The following TSHZ2 variants were observed in gnomAD, a reference collection of about 807,000 sequenced individuals.
TSHZ2 encodes teashirt zinc finger homeobox 2.
In TSHZ2, 21 loss-of-function variants were observed where a neutral mutation model predicts 74.4. The observed-to-expected ratio is 0.28, with a 90% CI of 0.20 to 0.41. The LOEUF (loss-of-function observed/expected upper bound fraction) is 0.41. Among genes scored for constraint, TSHZ2 ranks in the 10% least tolerant of loss-of-function variants. The probability of loss-of-function intolerance (pLI) is 1.00; values close to 1 mark genes in which losing one functional copy is unlikely to be tolerated. For synonymous variants in TSHZ2, 540 were observed against 515.3 expected, an observed-to-expected ratio of 1.05 and a Z score of -0.65; for missense variants, 1,244 against 1,293.5, an observed-to-expected ratio of 0.96 and a Z score of 0.59.
In TSHZ2 at chr20:53,465,621, G is replaced by A. The variant is rs1248765875; in HGVS notation, c.*9-21523G>A. On this transcript the variant is annotated intron_variant, in intron 2 of 2. Transcript: ENST00000371497. ...CAGGGTACATTGGTGACAGAAACCT[G>A]AGTTCAAATCCCAGCTCTGCTACTT... Among the ~76,000 whole-genome samples, 3 of 152,062 alleles carry A rather than the reference G, an allele frequency of 2.0e-5. 1 individual carries two copies. Among genetic ancestry groups the A allele is most frequent in the Admixed American group, 1.3e-4 (2 of 15,264 alleles).
chr20:53,239,072 T>G (rs370428827), intron 1 of TSHZ2, among the ~76,000 whole-genome samples: 10 of 152,256 alleles, frequency 6.6e-5, no homozygotes, highest in Admixed American at 6.5e-5. Flanking sequence ...ACCAGACAGA[T>G]AAGTCTCTGT....
intron 1 of TSHZ2, among the ~76,000 whole-genome samples, chr20:53,040,928 A>G (rs192875075): frequency 4.6e-5 from 7 of 152,238 alleles, no homozygotes; most frequent in Admixed American, 3.9e-4. Context: ...TCCTATTCAC[A>G]CAGCAGCTGC....
At chr20:53,330,936 C>G (rs752134005) in intron 2 of TSHZ2, among the ~76,000 whole-genome samples, 5 of 152,184 alleles carry the variant, frequency 3.3e-5, no homozygotes, top group Non-Finnish European at 5.9e-5. Context: ...ATGAAGTTCT[C>G]AAGCCTCAAC....
chr20:53,185,868 C>T (rs908991433), intron 1 of TSHZ2, among the ~76,000 whole-genome samples: 1 of 152,184 alleles, frequency 6.6e-6, no homozygotes, highest in African/African-American at 2.4e-5. Context: ...AGACTACAAT[C>T]ATTTTGTTGG....
At chr20:53,090,393 T>C (rs1460213089) in intron 1 of TSHZ2, among the ~76,000 whole-genome samples, 2 of 152,128 alleles carry the variant, frequency 1.3e-5, no homozygotes, top group Non-Finnish European at 2.9e-5. Context: ...CTGTCACAAA[T>C]ACGAAGGAGA....
intron 2 of TSHZ2, among the ~76,000 whole-genome samples, chr20:53,369,658 C>T (rs1192488861): frequency 6.6e-6 from 1 of 151,812 alleles, no homozygotes. Flanking sequence ...TTGCAGTGGG[C>T]GGAGATGGAA....
intron 2 of TSHZ2, among the ~76,000 whole-genome samples, chr20:53,345,552 G>A (rs1980403998): frequency 6.6e-6 from 1 of 152,080 alleles, no homozygotes; most frequent in Admixed American, 6.5e-5. Context: ...GCTGCCTTGT[G>A]AGGAACTACT....
At chr20:53,264,493 T>C (rs891110111) in intron 2 of TSHZ2, among the ~76,000 whole-genome samples, 1 of 152,226 alleles carries the variant, frequency 6.6e-6, no homozygotes, top group African/African-American at 2.4e-5. Context: ...TTTTTGAACA[T>C]GTGTAACGGT....
At chr20:53,069,466 G>A (rs1298464672) in intron 1 of TSHZ2, among the ~76,000 whole-genome samples, 3 of 151,646 alleles carry the variant, frequency 2.0e-5, no homozygotes, top group East Asian at 1.9e-4. Flanking sequence ...AAAAAATATC[G>A]AGGTTTTACT....
chr20:53,248,236 A>ATTTT (rs763355998), intron 1 of TSHZ2, among the ~76,000 whole-genome samples: 1 of 144,926 alleles, frequency 6.9e-6, no homozygotes, highest in Admixed American at 6.9e-5. Flanking sequence ...ATGCCTGGCT[A>ATTTT]TTTTTTTTTT....
chr20:53,021,441 A>G (rs925794985), intron 1 of TSHZ2, among the ~76,000 whole-genome samples: 3 of 152,172 alleles, frequency 2.0e-5, no homozygotes, highest in Admixed American at 2.0e-4. Context: ...TGGAAGTTGG[A>G]ACTCCGCTGA....
chr20:53,029,907 TA>T (rs1824038050), intron 1 of TSHZ2, among the ~76,000 whole-genome samples: 1 of 152,150 alleles, frequency 6.6e-6, no homozygotes, highest in Non-Finnish European at 1.5e-5. Flanking sequence ...ATTATCATAT[TA>T]AAAATGCCTA....
At chr20:53,048,290 C>A (rs1984301208) in intron 1 of TSHZ2, among the ~76,000 whole-genome samples, 1 of 152,038 alleles carries the variant, frequency 6.6e-6, no homozygotes, top group South Asian at 2.1e-4. Flanking sequence ...CACCTACTTA[C>A]ATTTTTAAAA....
chr20:53,077,225 C>A (rs1427091470), intron 1 of TSHZ2, among the ~76,000 whole-genome samples: 1 of 149,896 alleles, frequency 6.7e-6, no homozygotes, highest in African/African-American at 2.5e-5. Context: ...CCAGCCTGGG[C>A]AACATGGTGA....
At chr20:52,992,825 T>C (rs1392668456) in intron 1 of TSHZ2, among the ~76,000 whole-genome samples, 1 of 152,248 alleles carries the variant, frequency 6.6e-6, no homozygotes, top group Non-Finnish European at 1.5e-5. Flanking sequence ...AATTATTTAC[T>C]GGAAGCAAAG....
At chr20:53,422,178 GA>G (rs1327075704) in intron 2 of TSHZ2, among the ~76,000 whole-genome samples, 3 of 151,922 alleles carry the variant, frequency 2.0e-5, no homozygotes, top group Non-Finnish European at 4.4e-5. Flanking sequence ...ACTAAATAAC[GA>G]AAAAAAGGTC....
At chr20:53,231,002 G>T (rs1254159377) in intron 1 of TSHZ2, among the ~76,000 whole-genome samples, 1 of 152,196 alleles carries the variant, frequency 6.6e-6, no homozygotes, top group East Asian at 1.9e-4. Flanking sequence ...TCAACTTAAT[G>T]TCTCCTTCAA....
intron 2 of TSHZ2, among the ~76,000 whole-genome samples, chr20:53,315,122 GA>G (rs1323538824): frequency 6.6e-6 from 1 of 152,220 alleles, no homozygotes; most frequent in Non-Finnish European, 1.5e-5. Flanking sequence ...TGTGTATGAA[GA>G]AGAGGAATTA....
intron 2 of TSHZ2, among the ~76,000 whole-genome samples, chr20:53,367,820 C>T (rs952242000): frequency 1.3e-5 from 2 of 152,106 alleles, no homozygotes; most frequent in African/African-American, 4.8e-5. Flanking sequence ...ATCCACCCAC[C>T]TCGGCCTCCC....
Sources: allele counts gnomAD v4.1 joint callset (sites outside exome capture counted in the v4.1 genomes callset), GRCh38; gene constraint gnomAD v4.1.1; transcripts MANE v1.5; gene names NCBI Gene and HGNC (gene_info 2026-07-23, HGNC 2026-07-21).